Variants in CREBL2 observed in about 807,000 individuals in gnomAD.
CREBL2 encodes the protein cAMP responsive element binding protein like 2.
In CREBL2, 4 loss-of-function variants were observed where a neutral mutation model predicts 19.5. The observed-to-expected ratio is 0.20, with a 90% CI of 0.10 to 0.47. The LOEUF is 0.47. Ranked by LOEUF, CREBL2 falls within the 20% of genes least tolerant of loss-of-function variation. The pLI is 0.98. For synonymous variants in CREBL2, 42 were observed against 46.6 expected, an observed-to-expected ratio of 0.90 and a Z score of 0.40; for missense variants, 85 against 145.1, an observed-to-expected ratio of 0.59 and a Z score of 2.13.
At chr12:12,635,341 C>T (rs979037855) in intron 1 of CREBL2, among the ~76,000 whole-genome samples, 2 of 149,968 alleles carry the variant, frequency 1.3e-5, no homozygotes, top group African/African-American at 4.9e-5. Flanking sequence ...TGAACTCTAG[C>T]CTGAGTGACA....
chr12:12,627,873 C>T (rs1945414292), intron 1 of CREBL2, among the ~76,000 whole-genome samples: 1 of 152,198 alleles, frequency 6.6e-6, no homozygotes, highest in Non-Finnish European at 1.5e-5. Context: ...CACATCTGCA[C>T]CAGTACTTGT....
At chr12:12,634,756 A>G (rs1945462011) in intron 1 of CREBL2, among the ~76,000 whole-genome samples, 1 of 152,136 alleles carries the variant, frequency 6.6e-6, no homozygotes, top group South Asian at 2.1e-4. Flanking sequence ...TCTCAAGGCA[A>G]TAAAAACTTC....
At chr12:12,637,182 C>T (rs1310530744) in intron 2 of CREBL2, among the ~76,000 whole-genome samples, 4 of 151,530 alleles carry the variant, frequency 2.6e-5, no homozygotes, top group Non-Finnish European at 1.5e-5. Flanking sequence ...AAGGAAATTA[C>T]TAACATTTAT....
intron 1 of CREBL2, among the ~76,000 whole-genome samples, chr12:12,624,439 A>T (rs986344801): frequency 6.6e-6 from 1 of 152,198 alleles, no homozygotes; most frequent in South Asian, 2.1e-4. Context: ...GTGAAGCAGG[A>T]TATTTCCCTG....
intron 1 of CREBL2, among the ~76,000 whole-genome samples, chr12:12,617,995 CAGATTAACAGCAT>C (rs1330866700): frequency 6.6e-6 from 1 of 152,098 alleles, no homozygotes; most frequent in African/African-American, 2.4e-5. Context: ...GGTAAGGTTA[CAGATTAACAGCAT>C]CCCAAGGCAG....
chr12:12,633,223 C>T (rs1331603238), intron 1 of CREBL2, among the ~76,000 whole-genome samples: 1 of 152,232 alleles, frequency 6.6e-6, no homozygotes, highest in African/African-American at 2.4e-5. Context: ...AGGTGTGAGC[C>T]ACCACACCCA....
intron 1 of CREBL2, among the ~76,000 whole-genome samples, chr12:12,625,627 CT>C (rs754035700): frequency 7.2e-5 from 11 of 152,260 alleles, no homozygotes; most frequent in Non-Finnish European, 1.2e-4. Flanking sequence ...TGATACAAAT[CT>C]AGGGACTTGG....
At chr12:12,625,693 A>G (rs1307815870) in intron 1 of CREBL2, among the ~76,000 whole-genome samples, 2 of 152,198 alleles carry the variant, frequency 1.3e-5, no homozygotes, top group Non-Finnish European at 2.9e-5. Context: ...TCATCTATGA[A>G]ATGAAGAGAT....
At chr12:12,616,728 C>T (rs1403811246) in intron 1 of CREBL2, among the ~76,000 whole-genome samples, 2 of 152,198 alleles carry the variant, frequency 1.3e-5, no homozygotes, top group African/African-American at 4.8e-5. Flanking sequence ...CTAGTATATA[C>T]AGACATACAC....
Position 12,643,293 on chromosome 12 carries a change from T to A in CREBL2, c.*1295T>A, listed in dbSNP as rs1241095237. On this transcript the variant is annotated 3_prime_UTR_variant, in exon 4 of 4. Coordinates refer to ENST00000228865, the MANE Select transcript of CREBL2 (RefSeq NM_001310.4). ...ACCAAATGGAGTGACGGTTGAAGAATCAAGCTCATAATATGATACACCCAG... is the reference window on the plus strand; with the variant it reads ...ACCAAATGGAGTGACGGTTGAAGAAACAAGCTCATAATATGATACACCCAG... 6.6e-6 allele frequency: 1 copy of A among 152,612 alleles called. No individual in the cohort carries two copies. The highest frequency in any genetic ancestry group is 2.4e-5 in the African/African-American group (1 of 41,448). The allele number at this position is 152,612 out of a possible 1,614,324, so 9.5% of individuals were successfully genotyped here.
At chr12:12,638,126 C>T (rs1167879299) in intron 3 of CREBL2, among the ~76,000 whole-genome samples, 1 of 151,920 alleles carries the variant, frequency 6.6e-6, no homozygotes, top group Non-Finnish European at 1.5e-5. Context: ...ATTTTTAATA[C>T]ACTAATAAGC....
chr12:12,633,092 G>A (rs1170284796), intron 1 of CREBL2, among the ~76,000 whole-genome samples: 4 of 149,534 alleles, frequency 2.7e-5, no homozygotes, highest in Admixed American at 6.7e-5. Context: ...GCCCACCACC[G>A]TGCCCGGCTA....
At chr12:12,612,242 C>T in intron 1 of CREBL2, 55 bp downstream of exon 1, 1 of 1,612,630 alleles carries the variant, frequency 6.2e-7, no homozygotes, top group South Asian at 1.1e-5. Flanking sequence ...ATGCTAGTCC[C>T]GCGGCTGAAC....
At chr12:12,614,707 C>A in intron 1 of CREBL2, 1 of 287,510 alleles carries the variant, frequency 3.5e-6, no homozygotes, top group South Asian at 3.2e-5. Context: ...TGGAAGCTGT[C>A]AGCTCTTAAG....
intron 2 of CREBL2, among the ~76,000 whole-genome samples, chr12:12,636,667 C>T (rs544506676): frequency 1.6e-4 from 25 of 152,342 alleles, no homozygotes; most frequent in African/African-American, 5.5e-4. Flanking sequence ...ATGGTCCACT[C>T]GCCTTGGCCT....
chr12:12,620,633 A>G (rs1945352264), intron 1 of CREBL2, among the ~76,000 whole-genome samples: 1 of 152,254 alleles, frequency 6.6e-6, no homozygotes, highest in African/African-American at 2.4e-5. Context: ...ACCAGTTGAA[A>G]TCTAAGTTTA....
At position 12,645,059 on chromosome 12, in the gene CREBL2, GA is replaced by G. The variant is rs1190464958; in HGVS notation, c.*3065del. 6 of 152,150 alleles carry G rather than the reference GA, an allele frequency of 3.9e-5. No individual in the cohort carries two copies. Among genetic ancestry groups the G allele is most frequent in the Non-Finnish European group, 8.8e-5 (6 of 68,008 alleles). 9.4% of individuals were successfully genotyped at this position (152,150 alleles called of 1,614,324 possible). A position where few individuals can be genotyped will look rare whatever the true frequency, so the allele number is the denominator to read the frequency against. On this transcript the variant is annotated 3_prime_UTR_variant, in exon 4 of 4. Coordinates refer to ENST00000228865, the MANE Select transcript of CREBL2 (RefSeq NM_001310.4). Reference sequence around the variant, plus strand: ...ATTGGTAGGCTAAATAGGAGTTACAGAAAACTGTTAAATAGGGAAGAACTAC... The same window carrying G: ...ATTGGTAGGCTAAATAGGAGTTACAGAAACTGTTAAATAGGGAAGAACTAC...
intron 3 of CREBL2, among the ~76,000 whole-genome samples, chr12:12,638,106 T>C (rs1426290216): frequency 1.3e-5 from 2 of 151,982 alleles, no homozygotes; most frequent in Non-Finnish European, 2.9e-5. Flanking sequence ...TTAAATAAAA[T>C]GTTGATGCCA....
chr12:12,635,369 GAAA>G (rs542994272), intron 1 of CREBL2, among the ~76,000 whole-genome samples: 1 of 116,128 alleles, frequency 8.6e-6, no homozygotes. Flanking sequence ...ACCCTGTCTG[GAAA>G]AAAAAAAAAA....
Sources: gnomAD v4.1 joint callset for allele counts (sites outside exome capture counted in the v4.1 genomes callset) on GRCh38, gnomAD v4.1.1 for gene constraint, MANE v1.5 for transcripts, NCBI Gene and HGNC (gene_info 2026-07-23, HGNC 2026-07-21) for gene names.